Variants in SNX24 observed in about 807,000 individuals in gnomAD.
SNX24 encodes sorting nexin 24, also known as sorting nexin-24.
In SNX24, 22 loss-of-function variants were observed where a neutral mutation model predicts 28.7. The observed-to-expected ratio is 0.77, with a 90% confidence interval of 0.55 to 1.10. The LOEUF (loss-of-function observed/expected upper bound fraction) is 1.10, where lower values mean the gene tolerates loss of function less well. Ranked by LOEUF, SNX24 falls within the 50% of genes least tolerant of loss-of-function variation. SNX24 has a pLI of 0.00. For synonymous variants in SNX24, 69 were observed against 71.5 expected, an observed-to-expected ratio of 0.96 and a Z score of 0.18; for missense variants, 221 against 201.1, an observed-to-expected ratio of 1.10 and a Z score of -0.60.
chr5:122,891,056 G>A, intron 1 of SNX24: 1 of 1,527,782 alleles, frequency 6.5e-7, no homozygotes, highest in South Asian at 1.3e-5. Context: ...GAGCCTTCCA[G>A]ACAAAAATGG....
chr5:123,001,521 T>C, intron 5 of SNX24, 84 bp downstream of exon 5: 1 of 1,000,848 alleles, frequency 1.0e-6, no homozygotes, highest in Non-Finnish European at 1.5e-6. Flanking sequence ...CAAGTTATGT[T>C]TTTCTTAAGA....
intron 1 of SNX24, among the ~76,000 whole-genome samples, chr5:122,862,685 G>GT (rs71223071): frequency 0.028 from 4,025 of 143,186 alleles, 63 homozygotes; most frequent in Non-Finnish European, 0.041. Context: ...AACAAGGCAT[G>GT]TTTTTTTTTT....
intron 1 of SNX24, among the ~76,000 whole-genome samples, chr5:122,871,878 T>C (rs1296089665): frequency 2.0e-5 from 3 of 152,160 alleles, no homozygotes; most frequent in Admixed American, 1.3e-4. Context: ...TTCCACATTC[T>C]GGCATCGTGA....
intron 3 of SNX24, among the ~76,000 whole-genome samples, chr5:122,952,425 T>G (rs951579536): frequency 2.6e-5 from 4 of 152,036 alleles, no homozygotes; most frequent in Non-Finnish European, 5.9e-5. Flanking sequence ...GGCCCCCAAG[T>G]TAACAACCCC....
At chr5:122,953,741 G>A (rs1333055870) in intron 3 of SNX24, among the ~76,000 whole-genome samples, 1 of 152,098 alleles carries the variant, frequency 6.6e-6, no homozygotes, top group Non-Finnish European at 1.5e-5. Context: ...TCTGAGAAAG[G>A]TACATCTTAT....
intron 1 of SNX24, among the ~76,000 whole-genome samples, chr5:122,890,207 T>C (rs2150069746): frequency 1.3e-5 from 2 of 152,264 alleles, no homozygotes; most frequent in East Asian, 3.9e-4. Flanking sequence ...CCCCGACTAA[T>C]AATGCTAATT....
At chr5:122,978,603 A>G (rs925466652) in intron 3 of SNX24, among the ~76,000 whole-genome samples, 1 of 152,198 alleles carries the variant, frequency 6.6e-6, no homozygotes, top group Non-Finnish European at 1.5e-5. Context: ...GGGCTTTTAT[A>G]CAGTAGCATC....
intron 5 of SNX24, among the ~76,000 whole-genome samples, chr5:123,020,770 TTTC>T (rs2150186941): frequency 7.2e-6 from 1 of 139,194 alleles, no homozygotes; most frequent in Admixed American, 7.2e-5. Flanking sequence ...TGATGTTTGT[TTTC>T]GGAACCTTTC....
chr5:123,002,583 G>C (rs1339614499), intron 6 of SNX24, among the ~76,000 whole-genome samples: 1 of 152,168 alleles, frequency 6.6e-6, no homozygotes, highest in East Asian at 1.9e-4. Context: ...AGTGAGCCGA[G>C]ATCGCGCCAC....
chr5:123,004,860 C>T (rs1235811542), intron 6 of SNX24, among the ~76,000 whole-genome samples: 1 of 148,030 alleles, frequency 6.8e-6, no homozygotes, highest in African/African-American at 2.4e-5. Context: ...TCCCTCTCCA[C>T]GAGCCCCTCT....
At chr5:122,848,985 C>T (rs1433987000) in intron 1 of SNX24, among the ~76,000 whole-genome samples, 1 of 152,134 alleles carries the variant, frequency 6.6e-6, no homozygotes, top group Non-Finnish European at 1.5e-5. Flanking sequence ...GGTCTGCCTC[C>T]TCTTTCTAAC....
intron 3 of SNX24, among the ~76,000 whole-genome samples, chr5:122,953,494 C>G (rs1760058726): frequency 6.7e-6 from 1 of 149,534 alleles, no homozygotes; most frequent in African/African-American, 2.5e-5. Context: ...AGTGATATTT[C>G]AGTACATTTG....
chr5:123,002,860 T>G (rs1313258490), intron 6 of SNX24, among the ~76,000 whole-genome samples: 1 of 152,202 alleles, frequency 6.6e-6, no homozygotes. Context: ...TTTGCATACA[T>G]TATCTCATTT....
intron 1 of SNX24, among the ~76,000 whole-genome samples, chr5:122,923,255 C>T (rs980919375): frequency 6.6e-6 from 1 of 151,736 alleles, no homozygotes; most frequent in Admixed American, 6.6e-5. Context: ...GGGAGTATAG[C>T]TTGAGCCCAG....
At chr5:122,889,861 A>G (rs1343280080) in intron 1 of SNX24, among the ~76,000 whole-genome samples, 4 of 151,228 alleles carry the variant, frequency 2.6e-5, no homozygotes, top group Non-Finnish European at 5.9e-5. Context: ...TTGAAACAGT[A>G]TTTTGTAGTC....
chr5:122,940,619 T>C (rs1011687540), intron 2 of SNX24, among the ~76,000 whole-genome samples: 1 of 152,184 alleles, frequency 6.6e-6, no homozygotes, highest in African/African-American at 2.4e-5. Flanking sequence ...TCACCCAGGC[T>C]GGAGTGCAGT....
intron 1 of SNX24, among the ~76,000 whole-genome samples, chr5:122,929,923 A>T: frequency 6.6e-6 from 1 of 151,976 alleles, no homozygotes; most frequent in Middle Eastern, 3.4e-3. Context: ...GAATGTGTAT[A>T]TAATAAACCA....
intron 1 of SNX24, among the ~76,000 whole-genome samples, chr5:122,858,529 A>G (rs1039791336): frequency 6.6e-6 from 1 of 152,212 alleles, no homozygotes; most frequent in East Asian, 1.9e-4. Flanking sequence ...TTTAGAATAA[A>G]TTTCTAGCAG....
intron 2 of SNX24, among the ~76,000 whole-genome samples, chr5:122,941,734 T>C (rs1759458316): frequency 6.6e-6 from 1 of 152,180 alleles, no homozygotes; most frequent in Admixed American, 6.5e-5. Flanking sequence ...AAATAAGTAT[T>C]TGGCAAATGG....
Sources: allele counts gnomAD v4.1 joint callset (sites outside exome capture counted in the v4.1 genomes callset), GRCh38; gene constraint gnomAD v4.1.1; transcripts MANE v1.5; gene names NCBI Gene and HGNC (gene_info 2026-07-23, HGNC 2026-07-21).